SMOC2: variants seen among roughly 807,000 people sequenced by gnomAD.
SMOC2 encodes the protein SPARC-related modular calcium-binding protein 2.
In SMOC2, 39 loss-of-function variants were observed where a neutral mutation model predicts 61.4. The ratio of observed to expected loss-of-function variants is 0.64; its 90% CI spans 0.49 to 0.83. The LOEUF is 0.83. SMOC2 is among the 40% of genes least tolerant of loss of function. The pLI is 0.00. For missense variants in SMOC2, 556 were observed against 592.9 expected, an observed-to-expected ratio of 0.94 and a Z score of 0.65; for synonymous variants, 247 against 239.9, an observed-to-expected ratio of 1.03 and a Z score of -0.27.
In SMOC2 at chr6:168,599,307, A is replaced by AC. The variant is rs746616509; in HGVS notation, c.824+304dup. Among the ~76,000 whole-genome samples the AC allele has an allele frequency of 6.2e-3, 768 of 124,132 alleles. 8 individuals carry two copies. Among genetic ancestry groups the AC allele is most frequent in the African/African-American group, 0.012 (369 of 31,758 alleles). 81.4% of individuals were successfully genotyped at this position (124,132 alleles called of 152,430 possible). ...ACCCACACACACACATACCACACAC[A>AC]CACCCCCACACTGTTTCACACACAC... On this transcript the variant is annotated intron_variant, in intron 8 of 12. Coordinates refer to ENST00000356284, the MANE Select transcript of SMOC2 (RefSeq NM_001166412.2).
At chr6:168,483,833 C>T (rs1782267750) in intron 1 of SMOC2, among the ~76,000 whole-genome samples, 2 of 152,162 alleles carry the variant, frequency 1.3e-5, no homozygotes, top group East Asian at 1.9e-4. Context: ...CAAGGCCATT[C>T]GTTGGAAAGA....
chr6:168,496,784 G>T (rs1356828473), intron 1 of SMOC2, among the ~76,000 whole-genome samples: 1 of 152,232 alleles, frequency 6.6e-6, no homozygotes. Context: ...AGTGGGGTGT[G>T]ATGGCTTTTC....
At chr6:168,515,876 T>C (rs915198908) in intron 2 of SMOC2, among the ~76,000 whole-genome samples, 2 of 152,088 alleles carry the variant, frequency 1.3e-5, no homozygotes, top group African/African-American at 4.8e-5. Flanking sequence ...AAAACCCAGG[T>C]TGAGAATTTT....
chr6:168,451,175 C>T (rs570103777), intron 1 of SMOC2, among the ~76,000 whole-genome samples: 2 of 152,150 alleles, frequency 1.3e-5, no homozygotes, highest in South Asian at 2.1e-4. Flanking sequence ...CTCCCTCCCT[C>T]GGGTCGCCCC....
chr6:168,596,111 C>T (rs1168178267), intron 7 of SMOC2, among the ~76,000 whole-genome samples: 7 of 85,412 alleles, frequency 8.2e-5, no homozygotes, highest in Non-Finnish European at 1.7e-4. Context: ...CACGTGAACA[C>T]GGCAGTGATG....
chr6:168,507,590 C>T (rs969948271), intron 1 of SMOC2, among the ~76,000 whole-genome samples: 2 of 152,244 alleles, frequency 1.3e-5, no homozygotes, highest in Admixed American at 1.3e-4. Context: ...CTGCCTGCCC[C>T]CGGGGCGCCC....
At chr6:168,539,910 C>T (rs1783839570) in intron 4 of SMOC2, among the ~76,000 whole-genome samples, 1 of 152,214 alleles carries the variant, frequency 6.6e-6, no homozygotes, top group South Asian at 2.1e-4. Context: ...CTAAGTGGCC[C>T]TGGGCCAGTT....
In SMOC2 at chr6:168,640,272, G is replaced by A. The variant is rs138125909; in HGVS notation, c.908-10409G>A. 6.9e-3 allele frequency among the ~76,000 whole-genome samples: 1,052 copies of A among 152,106 alleles called. 12 individuals are homozygous for A. Among genetic ancestry groups the A allele is most frequent in the Non-Finnish European group, 0.012 (800 of 68,006 alleles). On this transcript the variant is annotated intron_variant, in intron 9 of 12. Coordinates refer to ENST00000356284, the MANE Select transcript of SMOC2 (RefSeq NM_001166412.2). ...GGTTGCCAACTCAGAAGGATTGGCC[G>A]CTCTATTTCCATGGTAGGGTTCATT...
At chr6:168,560,622 GCA>G (rs1562348525) in intron 7 of SMOC2, among the ~76,000 whole-genome samples, 3 of 2,020 alleles carry the variant, frequency 1.5e-3, no homozygotes, top group East Asian at 0.026. Context: ...GGCTCTCACT[GCA>G]TTCTTGGAGG....
chr6:168,518,445 A>G (rs9355221), intron 2 of SMOC2, among the ~76,000 whole-genome samples: 1 of 130,094 alleles, frequency 7.7e-6, no homozygotes, highest in African/African-American at 2.8e-5. Context: ...GTGACTGTGA[A>G]TGTGTGAATG....
intron 9 of SMOC2, among the ~76,000 whole-genome samples, chr6:168,615,606 G>A (rs1583163062): frequency 1.1e-5 from 1 of 88,308 alleles, no homozygotes; most frequent in Non-Finnish European, 2.3e-5. Context: ...CAGCACAGGG[G>A]GCCTCTTCAC....
intron 6 of SMOC2, among the ~76,000 whole-genome samples, chr6:168,548,247 T>C (rs1461737112): frequency 6.6e-6 from 1 of 152,190 alleles, no homozygotes; most frequent in Admixed American, 6.5e-5. Flanking sequence ...CCTGTGGCAA[T>C]TGACCCAAGT....
intron 1 of SMOC2, among the ~76,000 whole-genome samples, chr6:168,498,929 C>T (rs1463921539): frequency 7.1e-6 from 1 of 141,400 alleles, no homozygotes; most frequent in Non-Finnish European, 1.5e-5. Context: ...CACATGGAAA[C>T]CCTGGGTCCT....
At chr6:168,501,202 CAAAT>C (rs1300423937) in intron 1 of SMOC2, among the ~76,000 whole-genome samples, 1 of 152,146 alleles carries the variant, frequency 6.6e-6, no homozygotes, top group Admixed American at 6.5e-5. Context: ...TACTGAATCT[CAAAT>C]AAAACTGGAT....
At chr6:168,443,476 G>C (rs959899833) in intron 1 of SMOC2, among the ~76,000 whole-genome samples, 4 of 152,180 alleles carry the variant, frequency 2.6e-5, no homozygotes, top group Non-Finnish European at 5.9e-5. Flanking sequence ...CCCAAGAACA[G>C]TTTGCCTGAA....
intron 1 of SMOC2, among the ~76,000 whole-genome samples, chr6:168,447,954 T>C (rs1382032478): frequency 6.6e-6 from 1 of 152,128 alleles, no homozygotes; most frequent in African/African-American, 2.4e-5. Flanking sequence ...CCACCCTGCA[T>C]ACCAGCTGGG....
chr6:168,559,881 A>G (rs757407986), intron 7 of SMOC2, among the ~76,000 whole-genome samples: 8 of 152,224 alleles, frequency 5.3e-5, no homozygotes, highest in Non-Finnish European at 8.8e-5. Context: ...AGTCACCCTT[A>G]TCAAGTGCTG....
At chr6:168,651,809 G>A (rs1035095297) in intron 10 of SMOC2, among the ~76,000 whole-genome samples, 10 of 152,212 alleles carry the variant, frequency 6.6e-5, no homozygotes, top group African/African-American at 2.4e-4. Context: ...GGCAGGCCAA[G>A]GCAGGTGGAT....
intron 10 of SMOC2, among the ~76,000 whole-genome samples, 195 bp from the exon 11 acceptor site, chr6:168,652,759 C>T (rs1050378742): frequency 3.3e-5 from 5 of 152,154 alleles, no homozygotes; most frequent in African/African-American, 1.2e-4. Context: ...TTGAATCCAA[C>T]CTGAAAAATC....
Sources: gnomAD v4.1 joint callset for allele counts (sites outside exome capture counted in the v4.1 genomes callset) on GRCh38, gnomAD v4.1.1 for gene constraint, MANE v1.5 for transcripts, NCBI Gene and HGNC (gene_info 2026-07-23, HGNC 2026-07-21) for gene names.